Variants in NRXN1 observed in about 807,000 individuals in gnomAD.
NRXN1 encodes the protein neurexin-1.
NRXN1 carries 39 observed loss-of-function variants against 150.9 expected under a neutral mutation model. The ratio of observed to expected loss-of-function variants is 0.26; its 90% CI spans 0.20 to 0.34. The LOEUF is 0.34. NRXN1 is among the 10% of genes least tolerant of loss of function. NRXN1 has a pLI of 1.00. For missense variants in NRXN1, 1,815 were observed against 1,949.9 expected (o/e 0.93, Z 1.30); for synonymous variants, 924 against 757.0 (o/e 1.22, Z -3.62).
At chr2:50,990,196 A>G (rs920384345) in intron 2 of NRXN1, among the ~76,000 whole-genome samples, 2 of 152,012 alleles carry the variant, frequency 1.3e-5, no homozygotes, top group African/African-American at 2.4e-5. Context: ...TTGTGTATTT[A>G]GGATAGGCAT....
intron 5 of NRXN1, chr2:50,637,437 A>G (rs1683391182): frequency 6.6e-6 from 1 of 152,184 alleles, no homozygotes; most frequent in Non-Finnish European, 1.5e-5. Flanking sequence ...CAGACTCCTT[A>G]GGGTTTTATT....
In NRXN1 at chr2:50,819,911, C is replaced by T. The variant is rs75128891; in HGVS notation, c.832+101958G>A. Among the ~76,000 whole-genome samples the T allele has an allele frequency of 6.1e-3, 923 of 152,038 alleles. 12 individuals carry two copies. Among genetic ancestry groups the T allele is most frequent in the African/African-American group, 0.021 (887 of 41,472 alleles). ...CACTCATGATAATTCCTGTGTTTGC[C>T]ATTTGCATTGTATCACCCTGACTTG... On this transcript the variant is annotated intron_variant, in intron 5 of 22. Coordinates refer to ENST00000401669, the MANE Select transcript of NRXN1 (RefSeq NM_001330078.2).
At chr2:50,049,859 C>T (rs757190761) in intron 21 of NRXN1, among the ~76,000 whole-genome samples, 3 of 152,052 alleles carry the variant, frequency 2.0e-5, no homozygotes, top group Non-Finnish European at 4.4e-5. Flanking sequence ...GAACTTTATA[C>T]CACCAATAGT....
At chr2:50,088,480 G>A (rs911633530) in intron 19 of NRXN1, among the ~76,000 whole-genome samples, 3 of 151,950 alleles carry the variant, frequency 2.0e-5, no homozygotes, top group African/African-American at 4.8e-5. Context: ...TTTACCTTGC[G>A]TATATCCTTC....
chr2:49,982,770 C>A (rs951501451), intron 21 of NRXN1, among the ~76,000 whole-genome samples: 4 of 152,046 alleles, frequency 2.6e-5, no homozygotes, highest in South Asian at 4.2e-4. Context: ...CATTTCTATT[C>A]TGCATTTCTG....
intron 5 of NRXN1, among the ~76,000 whole-genome samples, chr2:50,884,437 A>G (rs927360111): frequency 5.3e-5 from 8 of 151,766 alleles, no homozygotes; most frequent in Non-Finnish European, 1.2e-4. Context: ...CTGTGATTCA[A>G]AATGTTTGTT....
intron 17 of NRXN1, among the ~76,000 whole-genome samples, chr2:50,251,356 C>A (rs1003073834): frequency 2.3e-5 from 3 of 128,762 alleles, no homozygotes; most frequent in African/African-American, 8.5e-5. Flanking sequence ...GCAGAAGACA[C>A]GATCTCAGTC....
intron 16 of NRXN1, among the ~76,000 whole-genome samples, chr2:50,471,259 G>A (rs985913859): frequency 2.0e-5 from 3 of 151,606 alleles, no homozygotes; most frequent in East Asian, 2.0e-4. Flanking sequence ...CCCTTCCCAC[G>A]ATTCCAGCTT....
At chr2:50,147,866 T>C (rs2058442090) in intron 18 of NRXN1, among the ~76,000 whole-genome samples, 1 of 151,746 alleles carries the variant, frequency 6.6e-6, no homozygotes, top group Admixed American at 6.6e-5. Context: ...CAGACTATAT[T>C]GCTGAAGCCT....
chr2:50,522,748 T>G (rs2092828146), intron 12 of NRXN1, among the ~76,000 whole-genome samples: 1 of 92,250 alleles, frequency 1.1e-5, no homozygotes, highest in Non-Finnish European at 2.5e-5. Flanking sequence ...TTTTTTTTTT[T>G]TTGAGAGGAG....
intron 18 of NRXN1, among the ~76,000 whole-genome samples, chr2:50,119,308 T>C (rs1008740200): frequency 6.6e-6 from 1 of 151,914 alleles, no homozygotes; most frequent in African/African-American, 2.4e-5. Flanking sequence ...ATTCACTTTC[T>C]TATGGGACAC....
chr2:50,623,088 G>A (rs1179419378), intron 6 of NRXN1, among the ~76,000 whole-genome samples: 1 of 152,034 alleles, frequency 6.6e-6, no homozygotes, highest in Non-Finnish European at 1.5e-5. Context: ...CAGCCCTTTT[G>A]GAAATTTTCA....
intron 17 of NRXN1, among the ~76,000 whole-genome samples, chr2:50,287,904 A>T (rs1283487195): frequency 6.6e-6 from 1 of 152,090 alleles, no homozygotes; most frequent in Non-Finnish European, 1.5e-5. Flanking sequence ...TTCCTGATAC[A>T]TGAATTTATA....
At chr2:50,664,936 A>G (rs1026369164) in intron 5 of NRXN1, among the ~76,000 whole-genome samples, 5 of 152,002 alleles carry the variant, frequency 3.3e-5, no homozygotes, top group Admixed American at 1.3e-4. Context: ...AAATCATGTA[A>G]TTTTTGGTTC....
At chr2:50,743,196 T>C (rs560146518) in intron 5 of NRXN1, among the ~76,000 whole-genome samples, 1 of 152,276 alleles carries the variant, frequency 6.6e-6, no homozygotes, top group Admixed American at 6.5e-5. Context: ...GAACTTGAGG[T>C]TAGGTGGGTC....
rs79295801 is a variant in NRXN1, at chr2:50,629,183, A to G, written c.833-5568T>C. Reference sequence around the variant, plus strand: ...AGCATACTAGAATGTTTACAGTGTTACCCTGCATAAATTATCTAAAACTTA... The same window carrying G: ...AGCATACTAGAATGTTTACAGTGTTGCCCTGCATAAATTATCTAAAACTTA... On this transcript the variant is annotated intron_variant, in intron 5 of 22. Coordinates refer to ENST00000401669, the MANE Select transcript of NRXN1 (RefSeq NM_001330078.2). 3.2e-4 allele frequency among the ~76,000 whole-genome samples: 49 copies of G among 151,886 alleles called. 1 individual carries two copies. Among genetic ancestry groups the G allele is most frequent in the African/African-American group, 1.1e-3 (47 of 41,550 alleles).
At chr2:50,303,201 T>C (rs957037259) in intron 17 of NRXN1, among the ~76,000 whole-genome samples, 30 of 152,194 alleles carry the variant, frequency 2.0e-4, no homozygotes, top group African/African-American at 7.0e-4. Context: ...TGTTCACAGC[T>C]ATCTGCATAA....
rs567313707 is a variant in NRXN1 at position 50,461,124 on chromosome 2, G to A, written c.3364+4318C>T. ...ACAAAAGAAGCTGAGAAACAAAGCT[G>A]AAGATATTTTTAAATGTCATGGTAA... On this transcript the variant is annotated intron_variant, in intron 17 of 22. Coordinates refer to ENST00000401669, the MANE Select transcript of NRXN1 (RefSeq NM_001330078.2). 1.3e-4 allele frequency among the ~76,000 whole-genome samples: 20 copies of A among 152,118 alleles called. No individual in the cohort carries two copies. In the South Asian group the frequency reaches 3.5e-3, roughly 27 times the overall value.
intron 18 of NRXN1, among the ~76,000 whole-genome samples, chr2:50,222,815 T>C (rs1179477379): frequency 6.6e-6 from 1 of 151,882 alleles, no homozygotes; most frequent in Non-Finnish European, 1.5e-5. Context: ...TGTTAGCATA[T>C]ATACAAATCC....
Sources: allele counts gnomAD v4.1 joint callset (sites outside exome capture counted in the v4.1 genomes callset), GRCh38; gene constraint gnomAD v4.1.1; transcripts MANE v1.5; gene names NCBI Gene and HGNC (gene_info 2026-07-23, HGNC 2026-07-21).